The following FCHSD1 variants were observed in gnomAD, a reference collection of about 807,000 sequenced individuals.
FCHSD1 encodes the protein F-BAR and double SH3 domains protein 1.
A neutral mutation model predicts 101.3 loss-of-function variants in FCHSD1; 109 were observed. The ratio of observed to expected loss-of-function variants is 1.08; its 90% CI spans 0.92 to 1.26. The LOEUF is 1.26. FCHSD1 is among the 50% of genes most tolerant of loss of function. The pLI is 0.00. For synonymous variants in FCHSD1, 291 were observed against 356.8 expected (o/e 0.82, Z 2.08); for missense variants, 820 against 895.8 (o/e 0.92, Z 1.08).
chr5:141,649,012 C>T lies in FCHSD1; in HGVS notation c.521G>A (p.Arg174Gln), dbSNP rs536442553. 2.4e-5 allele frequency: 38 copies of T among 1,613,988 alleles called. No individual in the cohort carries two copies. Among genetic ancestry groups the T allele is most frequent in the Admixed American group, 1.2e-4 (7 of 60,022 alleles). The change falls in exon 7 of 20, where the codon CGA (arginine) becomes CAA (glutamine). Residue 174 changes from arginine to glutamine, a missense_variant. Arg to Gln is a conservative substitution (Grantham distance 43, BLOSUM62 1). Coordinates refer to ENST00000435817, the MANE Select transcript of FCHSD1 (RefSeq NM_033449.3). This position sits in a 1 kb window ranked among gnomAD's most constrained non-coding sequence, Gnocchi z 4.1. The stretch of plus-strand genomic sequence containing the variant: ...AGAGTGGAAGATCCCATGGTCACTT[C>T]GGTTTAGCCTGTGCAGATGAGAGAA... ...KAADVQARLN[R>Q]SDHGIFHSRT...
chr5:141,642,528 T>C (rs2099907054), intron 18 of FCHSD1: 1 of 539,456 alleles, frequency 1.9e-6, no homozygotes, highest in South Asian at 2.4e-5. Flanking sequence ...AAAATAAAAC[T>C]GCTATAGACA....
In FCHSD1 at chr5:141,646,733, CA is replaced by C. The variant is rs1562389539; in HGVS notation, c.925-12del. The C allele has an allele frequency of 1.2e-6, 2 of 1,611,102 alleles. No homozygotes were observed. The highest frequency in any genetic ancestry group is 2.2e-5 in the South Asian group (2 of 90,768). On this transcript the variant is annotated splice_polypyrimidine_tract_variant and intron_variant, in intron 10 of 19. Coordinates refer to ENST00000435817, the MANE Select transcript of FCHSD1 (RefSeq NM_033449.3). ...CTCCAGGACACACACCTGAATGGGT[CA>C]GGGGGTGCTGTGAGGAGGACCTGAG... is the stretch of plus-strand genomic sequence containing the variant.
rs766104762 is a variant in FCHSD1 at position 141,647,204 on chromosome 5, C to G, written c.855G>C (p.Leu285=). Reference sequence around the variant, plus strand: ...AAAATACACCAGGCTCCTGAAGAAACAGCTTCAGGTCTTGCTCCCAGCTTA... The same window carrying G: ...AAAATACACCAGGCTCCTGAAGAAAGAGCTTCAGGTCTTGCTCCCAGCTTA... The part of the protein sequence containing the change: ...SQVSWEQDLK[L]FLQEPGVFSP... Residue 285 remains leucine (L), a synonymous_variant, in exon 10 of 20, where the codon CTG becomes CTC. Coordinates refer to ENST00000435817, the MANE Select transcript of FCHSD1 (RefSeq NM_033449.3). 1.4e-5 allele frequency: 23 copies of G among 1,608,508 alleles called. No homozygotes were observed. Among genetic ancestry groups the G allele is most frequent in the Non-Finnish European group, 1.9e-5 (22 of 1,177,512 alleles).
rs1185107051 is a variant in FCHSD1, at chr5:141,649,836, G to C, written c.233+51C>G. ...CATCCCCACAGGTTCCTGGGGCTGA[G>C]CTCCCCATCACTTTTTGGCCTCTGT... On this transcript the variant is annotated intron_variant, in intron 4 of 19. Transcript: ENST00000435817. This position sits in a 1 kb window ranked among gnomAD's most constrained non-coding sequence, Gnocchi z 4.1. 2.0e-6 allele frequency: 3 copies of C among 1,525,626 alleles called. No homozygotes were observed. Among genetic ancestry groups the C allele is most frequent in the Non-Finnish European group, 2.6e-6 (3 of 1,135,590 alleles). The allele number at this position is 1,525,626 out of a possible 1,614,324, so 94.5% of individuals were successfully genotyped here.
Position 141,641,371 on chromosome 5 carries a change from G to C in FCHSD1, c.*127C>G. The C allele has an allele frequency of 1.4e-5, 12 of 827,996 alleles. No individual in the cohort carries two copies. The highest frequency in any genetic ancestry group is 2.0e-5 in the Non-Finnish European group (11 of 562,710). 51.3% of individuals were successfully genotyped at this position (827,996 alleles called of 1,614,324 possible). ...TGGGAAGGGGCAAGTTTCCACCCTT[G>C]GAGGTGAGGGTGGAAATAAGGGCGA... On this transcript the variant is annotated 3_prime_UTR_variant, in exon 20 of 20. Transcript: ENST00000435817.
chr5:141,641,816 C>T, intron 18 of FCHSD1, 59 bp from the exon 19 acceptor site: 1 of 1,551,570 alleles, frequency 6.4e-7, no homozygotes, highest in Non-Finnish European at 8.9e-7. Context: ...GCTGTATCTC[C>T]AGCACTTAGG....
intron 11 of FCHSD1, 90 bp downstream of exon 11, chr5:141,646,513 T>C: frequency 2.0e-6 from 3 of 1,505,542 alleles, no homozygotes; most frequent in Non-Finnish European, 2.7e-6. Flanking sequence ...TGTAGCTCCA[T>C]GACACCCTCA....
rs925141121 is a variant in FCHSD1 at position 141,640,537 on chromosome 5, T to G, written c.*961A>C. On this transcript the variant is annotated 3_prime_UTR_variant, in exon 20 of 20. Coordinates refer to ENST00000435817, the MANE Select transcript of FCHSD1 (RefSeq NM_033449.3). ...CTTTCGGCTCCCTGAACCCCCCGAGTAAACTGCAGGCTTAGCCTTTGCTAT... is the reference window on the plus strand; with the variant it reads ...CTTTCGGCTCCCTGAACCCCCCGAGGAAACTGCAGGCTTAGCCTTTGCTAT... The G allele has an allele frequency of 4.4e-6, 7 of 1,598,668 alleles. No individual in the cohort carries two copies. The highest frequency in any genetic ancestry group is 6.0e-6 in the Non-Finnish European group (7 of 1,171,256).
Position 141,640,614 on chromosome 5 carries a change from A to G in FCHSD1, c.*884T>C, listed in dbSNP as rs543632419. The G allele has an allele frequency of 4.5e-6, 7 of 1,540,176 alleles. No homozygotes were observed. The Admixed American group carries it at 7.9e-5, about 17-fold the overall frequency. ...AGGGAAGGTCCTGGAGCCCCAGGGG[A>G]AAAGCTGGACACAGCTTGAACAGGA... is the stretch of plus-strand genomic sequence containing the variant. On this transcript the variant is annotated 3_prime_UTR_variant, in exon 20 of 20. Transcript: ENST00000435817.
chr5:141,651,264 C>T (rs1042607658), intron 1 of FCHSD1, 84 bp downstream of exon 1: 3 of 1,545,430 alleles, frequency 1.9e-6, no homozygotes, highest in Admixed American at 2.0e-5. Context: ...TCCGACTTCC[C>T]GTCTCCTACC....
In FCHSD1 at chr5:141,649,762, G is replaced by T; in HGVS notation, c.233+125C>A. The T allele has an allele frequency of 8.0e-7, 1 of 1,253,092 alleles. No individual in the cohort carries two copies. Among genetic ancestry groups the T allele is most frequent in the Non-Finnish European group, 1.1e-6 (1 of 911,928 alleles). The allele number at this position is 1,253,092 out of a possible 1,614,324, so 77.6% of individuals were successfully genotyped here. On this transcript the variant is annotated intron_variant, in intron 4 of 19. Coordinates refer to ENST00000435817, the MANE Select transcript of FCHSD1 (RefSeq NM_033449.3). The surrounding 1 kb of genome is among the most constrained non-coding windows in gnomAD (Gnocchi z 4.1). Reference sequence around the variant, plus strand: ...CTGGGTCAGCTCCTCTGCTGCTGCTGTGTCAGCTCTACCTACAGCTCACGT... The same window carrying T: ...CTGGGTCAGCTCCTCTGCTGCTGCTTTGTCAGCTCTACCTACAGCTCACGT...
At position 141,646,674 on chromosome 5, in the gene FCHSD1, G is replaced by A. The variant is rs1032620628; in HGVS notation, c.973C>T (p.Leu325=). The change falls in exon 11 of 20, where the codon CTG becomes TTG. Residue 325 remains leucine, a synonymous_variant. Coordinates refer to ENST00000435817, the MANE Select transcript of FCHSD1 (RefSeq NM_033449.3). Reference sequence around the variant, plus strand: ...GTCAAGCGCTGAACCTCTTTCTCCAGGCCACTCTTGCCAGCCACGCCTTCT... The same window carrying A: ...GTCAAGCGCTGAACCTCTTTCTCCAAGCCACTCTTGCCAGCCACGCCTTCT... ...GAEGVAGKSG[L]EKEVQRLTSR... is the part of the protein sequence containing the mutation. 1.6e-5 allele frequency: 26 copies of A among 1,613,122 alleles called. No individual in the cohort carries two copies. Among genetic ancestry groups the A allele is most frequent in the East Asian group, 8.9e-5 (4 of 44,878 alleles).
Position 141,647,115 on chromosome 5 carries a change from A to C in FCHSD1, c.924+20T>G. The C allele has an allele frequency of 3.2e-6, 5 of 1,584,672 alleles. No homozygotes were observed. Among genetic ancestry groups the C allele is most frequent in the Non-Finnish European group, 4.3e-6 (5 of 1,164,242 alleles). ...TCGCCTTTATATGTGGCCTGGTTCC[A>C]ACAAGCAGGAAGATCTCACCTGATC... On this transcript the variant is annotated intron_variant, in intron 10 of 19. Coordinates refer to ENST00000435817, the MANE Select transcript of FCHSD1 (RefSeq NM_033449.3).
intron 17 of FCHSD1, 110 bp from the exon 18 acceptor site, chr5:141,643,198 T>C (rs1596459713): frequency 1.3e-6 from 1 of 776,090 alleles, no homozygotes; most frequent in Non-Finnish European, 1.9e-6. Flanking sequence ...ATACAGGAAG[T>C]GGCCAAATGC....
Position 141,647,531 on chromosome 5 carries a change from C to G in FCHSD1, c.706-11G>C. The G allele has an allele frequency of 6.2e-7, 1 of 1,611,108 alleles. No individual in the cohort carries two copies. Among genetic ancestry groups the G allele is most frequent in the East Asian group, 2.2e-5 (1 of 44,852 alleles). ...CTCACTGACCAGGGCCTAGAGAGAACCCCAAGATACTGACACCACCCTTCC... is the reference window on the plus strand; with the variant it reads ...CTCACTGACCAGGGCCTAGAGAGAAGCCCAAGATACTGACACCACCCTTCC... On this transcript the variant is annotated splice_polypyrimidine_tract_variant and intron_variant, in intron 8 of 19. Coordinates refer to ENST00000435817, the MANE Select transcript of FCHSD1 (RefSeq NM_033449.3).
chr5:141,640,751 A>G lies in FCHSD1; in HGVS notation c.*747T>C. 1 of 1,329,366 alleles carries G rather than the reference A, an allele frequency of 7.5e-7. No homozygotes were observed. Among genetic ancestry groups the G allele is most frequent in the Non-Finnish European group, 1.0e-6 (1 of 976,662 alleles). 82.3% of individuals were successfully genotyped at this position (1,329,366 alleles called of 1,614,324 possible). ...GTGAAAGCCCTCCCCTCCACTGGAC[A>G]GCACTGCCCCCCAGCTGAGGGACCA... On this transcript the variant is annotated 3_prime_UTR_variant, in exon 20 of 20. Coordinates refer to ENST00000435817, the MANE Select transcript of FCHSD1 (RefSeq NM_033449.3).
At chr5:141,645,264 C>G (rs2099907508) in intron 13 of FCHSD1, 116 bp from the exon 14 acceptor site, 1 of 1,402,456 alleles carries the variant, frequency 7.1e-7, no homozygotes. Flanking sequence ...CAGGTGCACC[C>G]ATCCACTCAC....
At position 141,640,207 on chromosome 5, in the gene FCHSD1, T is replaced by G; in HGVS notation, c.*1291A>C. On this transcript the variant is annotated 3_prime_UTR_variant, in exon 20 of 20. Coordinates refer to ENST00000435817, the MANE Select transcript of FCHSD1 (RefSeq NM_033449.3). ...CCCAGAGCTTCTGCAGAGCCAACAC[T>G]GAGGGCCGGAGGGAGGGGCCCAAGC... 6.2e-7 allele frequency: 1 copy of G among 1,614,120 alleles called. No individual in the cohort carries two copies. Among genetic ancestry groups the G allele is most frequent in the Non-Finnish European group, 8.5e-7 (1 of 1,179,998 alleles).
Position 141,651,092 on chromosome 5 carries a change from A to C in FCHSD1, c.47T>G (p.Leu16Arg). Residue 16 changes from leucine (L) to arginine (R), a missense_variant, in exon 2 of 20, where the codon CTT becomes CGT. Transcript: ENST00000435817. The stretch of plus-strand genomic sequence containing the variant: ...GATGCTCAGCTGTTCCAGGAAGCGA[A>C]GCTTCACCTCCTGGGCCGGCTTCAC... ...RKVKPAQEVK[L>R]RFLEQLSILQ... 1 of 1,595,156 alleles carries C rather than the reference A, an allele frequency of 6.3e-7. No homozygotes were observed. The highest frequency in any genetic ancestry group is 8.5e-7 in the Non-Finnish European group (1 of 1,170,504).
Sources: gnomAD v4.1 joint callset for allele counts on GRCh38, gnomAD v4.1.1 for gene constraint, Gnocchi (gnomAD v3.1) non-coding constraint, MANE v1.5 for transcripts, NCBI Gene and HGNC (gene_info 2026-07-23, HGNC 2026-07-21) for gene names.